Variants in OR52N4 observed in about 807,000 individuals in gnomAD.
OR52N4 encodes olfactory receptor family 52 subfamily N member 4.
In OR52N4, 15 loss-of-function variants were observed where a neutral mutation model predicts 15.0. That is an observed-to-expected ratio of 1.00 (90% CI 0.67 to 1.54). OR52N4 has a LOEUF of 1.54. Ranked by LOEUF, OR52N4 falls within the 40% of genes most tolerant of loss-of-function variation. The probability of loss-of-function intolerance (pLI) is 0.00; values close to 1 mark genes in which losing one functional copy is unlikely to be tolerated. For synonymous variants in OR52N4, 143 were observed against 143.7 expected (o/e 1.00, Z 0.03); for missense variants, 421 against 394.0 (o/e 1.07, Z -0.58).
At chr11:5,736,814 G>C in the OR52N4 span, 1 of 1,613,964 alleles carries the variant, frequency 6.2e-7, no homozygotes, top group Non-Finnish European at 8.5e-7. Flanking sequence ...TGATGCCAAG[G>C]TTATTAGCCT....
At chr11:5,745,162 C>T in the OR52N4 span, among the ~76,000 whole-genome samples, 1 of 152,132 alleles carries the variant, frequency 6.6e-6, no homozygotes, top group African/African-American at 2.4e-5. Context: ...ATGTTCACCA[C>T]TCCTATTCAA....
the OR52N4 span, among the ~76,000 whole-genome samples, chr11:5,733,593 CTAT>C: frequency 6.6e-6 from 1 of 152,084 alleles, no homozygotes; most frequent in African/African-American, 2.4e-5. Context: ...TAATCCCAGT[CTAT>C]TATTATATAT....
At chr11:5,738,947 G>T in the OR52N4 span, among the ~76,000 whole-genome samples, 3 of 70,748 alleles carry the variant, frequency 4.2e-5, no homozygotes, top group Non-Finnish European at 9.8e-5. Context: ...AATACCAGTT[G>T]CTAGAAAGTC....
rs1401887452 is a variant in OR52N4 at position 5,755,389 on chromosome 11, A to G, written c.649A>G (p.Thr217Ala). 2.5e-6 allele frequency: 4 copies of G among 1,613,884 alleles called. No individual in the cohort carries two copies. In the African/African-American group the frequency reaches 4.0e-5, roughly 16 times the overall value. ...LIWGFDILCITNSYTMILRAV... is the reference protein window; with the variant it reads ...LIWGFDILCIANSYTMILRAV... ...TTGGGGCTTTGACATACTGTGTATC[A>G]CCAACTCCTATACCATGATTCTCCG... Residue 217 changes from threonine to alanine, a missense_variant, in exon 2 of 2, where the codon ACC becomes GCC. Coordinates refer to ENST00000641350, the MANE Select transcript of OR52N4 (RefSeq NM_001005175.5).
the OR52N4 span, among the ~76,000 whole-genome samples, chr11:5,746,817 A>G: frequency 6.6e-6 from 1 of 152,142 alleles, no homozygotes. Context: ...TATTTACCAT[A>G]AGGGAAATGA....
At chr11:5,742,239 C>A in the OR52N4 span, among the ~76,000 whole-genome samples, 1 of 151,982 alleles carries the variant, frequency 6.6e-6, no homozygotes, top group African/African-American at 2.4e-5. Context: ...AATGATAAAA[C>A]CTCTGAGGTA....
the OR52N4 span, among the ~76,000 whole-genome samples, chr11:5,729,536 C>T: frequency 1.3e-5 from 2 of 152,160 alleles, no homozygotes; most frequent in African/African-American, 2.4e-5. Context: ...AACCTACAAC[C>T]CCAACTGTGT....
chr11:5,727,885 G>C, the OR52N4 span, among the ~76,000 whole-genome samples: 3 of 152,178 alleles, frequency 2.0e-5, no homozygotes, highest in African/African-American at 7.2e-5. Context: ...TATAGCCACA[G>C]TTAAAGTAGT....
chr11:5,733,131 T>C, the OR52N4 span, among the ~76,000 whole-genome samples: 1 of 152,346 alleles, frequency 6.6e-6, no homozygotes, highest in East Asian at 1.9e-4. Flanking sequence ...ATGTACAATC[T>C]GGTCTTCACA....
the OR52N4 span, among the ~76,000 whole-genome samples, chr11:5,742,727 T>G: frequency 6.6e-6 from 1 of 152,048 alleles, no homozygotes; most frequent in African/African-American, 2.4e-5. Context: ...CTACAAGAAG[T>G]TCACAAAGGA....
In OR52N4 at chr11:5,755,157, C is replaced by T. The variant is rs748092510; in HGVS notation, c.417C>T (p.Thr139=). 1.5e-5 allele frequency: 24 copies of T among 1,613,924 alleles called. No individual in the cohort carries two copies. Among genetic ancestry groups the T allele is most frequent in the Non-Finnish European group, 2.0e-5 (24 of 1,179,974 alleles). ...CYPLRYSTIL[T]NPVIAKVGTA... is the part of the protein sequence containing the mutation. ...CCTTACGCTATTCAACTATCCTCAC[C>T]AATCCTGTAATTGCAAAGGTTGGGA... The change falls in exon 2 of 2, where the codon ACC becomes ACT. Residue 139 remains threonine (T), a synonymous_variant. Transcript: ENST00000641350.
At chr11:5,750,079 C>T (rs935744781), upstream of OR52N4, among the ~76,000 whole-genome samples, 36 of 150,724 alleles carry the variant, frequency 2.4e-4, no homozygotes, top group South Asian at 1.5e-3. Context: ...AAAGGTATGC[C>T]GAAAACAAGA....
chr11:5,731,344 G>C, the OR52N4 span, among the ~76,000 whole-genome samples: 1 of 152,146 alleles, frequency 6.6e-6, no homozygotes, highest in African/African-American at 2.4e-5. Flanking sequence ...GTATGTTCAA[G>C]AAGTTTACTG....
upstream of OR52N4, among the ~76,000 whole-genome samples, chr11:5,750,884 A>G (rs546647396): frequency 2.6e-5 from 4 of 152,140 alleles, no homozygotes; most frequent in South Asian, 8.3e-4. Flanking sequence ...ACTTACCTTA[A>G]TTAAAAATTT....
upstream of OR52N4, among the ~76,000 whole-genome samples, chr11:5,753,202 T>C (rs976070923): frequency 2.0e-5 from 3 of 152,168 alleles, no homozygotes; most frequent in African/African-American, 7.2e-5. Context: ...AGATATCTAA[T>C]AAAGAGTTGT....
At chr11:5,746,126 A>C in the OR52N4 span, among the ~76,000 whole-genome samples, 1 of 152,186 alleles carries the variant, frequency 6.6e-6, no homozygotes, top group Non-Finnish European at 1.5e-5. Flanking sequence ...CTGAACCTCT[A>C]TCTCTCATTA....
the OR52N4 span, chr11:5,737,238 A>C: frequency 1.9e-6 from 3 of 1,613,952 alleles, no homozygotes; most frequent in African/African-American, 4.0e-5. Flanking sequence ...AACTCAGCTG[A>C]AGCTGCAGCC....
chr11:5,742,806 T>C, the OR52N4 span, among the ~76,000 whole-genome samples: 3 of 152,076 alleles, frequency 2.0e-5, no homozygotes, highest in Non-Finnish European at 4.4e-5. Flanking sequence ...AAAAAACTCA[T>C]AGATCTTCTA....
chr11:5,730,107 T>C, the OR52N4 span, among the ~76,000 whole-genome samples: 7 of 152,208 alleles, frequency 4.6e-5, no homozygotes, highest in Non-Finnish European at 7.3e-5. Flanking sequence ...TTATGTCCTA[T>C]TCTTTTCTTA....
Sources: allele counts gnomAD v4.1 joint callset (sites outside exome capture counted in the v4.1 genomes callset), GRCh38; gene constraint gnomAD v4.1.1; transcripts MANE v1.5; gene names NCBI Gene and HGNC (gene_info 2026-07-23, HGNC 2026-07-21).